NBAS: variants seen among roughly 807,000 people sequenced by gnomAD.
The protein encoded by NBAS is NAG/BC035112 fusion.
NBAS carries 219 observed loss-of-function variants against 302.5 expected under a neutral mutation model. The ratio of observed to expected loss-of-function variants is 0.72; its 90% CI spans 0.65 to 0.81. The LOEUF (loss-of-function observed/expected upper bound fraction) is 0.81. Among genes scored for constraint, NBAS ranks in the 30% least tolerant of loss-of-function variants. The probability of loss-of-function intolerance (pLI) is 0.00; values close to 1 mark genes in which losing one functional copy is unlikely to be tolerated. For synonymous variants in NBAS, 1,118 were observed against 1,021.6 expected, an observed-to-expected ratio of 1.09 and a Z score of -1.80; for missense variants, 2,932 against 2,841.6, an observed-to-expected ratio of 1.03 and a Z score of -0.72.
chr2:14,894,415 T>A, the NBAS span, among the ~76,000 whole-genome samples: 1 of 152,190 alleles, frequency 6.6e-6, no homozygotes, highest in Non-Finnish European at 1.5e-5. Context: ...TTATCTGATA[T>A]GTTTGACTGC....
chr2:15,331,252 T>G lies in NBAS; in HGVS notation c.4180-487A>C, dbSNP rs148982844. Among the ~76,000 whole-genome samples, 418 of 152,282 alleles carry G rather than the reference T, an allele frequency of 2.7e-3. 1 individual carries two copies. The highest frequency in any genetic ancestry group is 9.4e-3 in the African/African-American group (389 of 41,556). On this transcript the variant is annotated intron_variant, in intron 35 of 51. Transcript: ENST00000281513. ...AAGGCATGTTTCCCATCTAAACAAG[T>G]AGGTAATTAATAGTGTTTGATGGGT...
rs763758786 is a variant in NBAS at position 15,167,034 on chromosome 2, G to A, written c.*14C>T. The stretch of plus-strand genomic sequence containing the variant: ...GATGCTTTTTCTGCTAAGGAGCAGG[G>A]CCACAGGTGGCCCTCACACCCAGTG... On this transcript the variant is annotated 3_prime_UTR_variant, in exon 52 of 52. Coordinates refer to ENST00000281513, the MANE Select transcript of NBAS (RefSeq NM_015909.4). 6.5e-7 allele frequency: 1 copy of A among 1,529,090 alleles called. No homozygotes were observed. The highest frequency in any genetic ancestry group is 8.8e-7 in the Non-Finnish European group (1 of 1,137,794). 94.7% of individuals were successfully genotyped at this position (1,529,090 alleles called of 1,614,324 possible).
intron 51 of NBAS, among the ~76,000 whole-genome samples, chr2:15,176,458 G>GACAC (rs71400639): frequency 0.015 from 2,225 of 149,292 alleles, 52 homozygotes; most frequent in African/African-American, 0.05. Flanking sequence ...GTCACATGGA[G>GACAC]ACACACACAC....
chr2:15,154,817 G>A, the NBAS span, among the ~76,000 whole-genome samples: 1 of 152,156 alleles, frequency 6.6e-6, no homozygotes, highest in Non-Finnish European at 1.5e-5. Context: ...TGAGGCTATA[G>A]GTGAGTGTTC....
intron 21 of NBAS, among the ~76,000 whole-genome samples, chr2:15,460,038 C>A (rs540876701): frequency 2.0e-5 from 3 of 151,974 alleles, no homozygotes; most frequent in Admixed American, 6.6e-5. Context: ...TTACTCTATA[C>A]ATGTTGACCA....
At chr2:14,955,079 T>C in the NBAS span, among the ~76,000 whole-genome samples, 1 of 152,172 alleles carries the variant, frequency 6.6e-6, no homozygotes, top group East Asian at 1.9e-4. Flanking sequence ...ACTTCCTAGA[T>C]ACAATGGAAG....
At chr2:15,166,744 C>A (rs939854708), downstream of NBAS, among the ~76,000 whole-genome samples, 1 of 152,136 alleles carries the variant, frequency 6.6e-6, no homozygotes, top group Non-Finnish European at 1.5e-5. Flanking sequence ...CCAGCACATC[C>A]AACTTGCTGA....
chr2:15,443,119 C>A (rs901294969), intron 21 of NBAS, among the ~76,000 whole-genome samples: 2 of 152,072 alleles, frequency 1.3e-5, no homozygotes, highest in Non-Finnish European at 2.9e-5. Context: ...TTCCAATTAA[C>A]AGAAAAAGAG....
the NBAS span, among the ~76,000 whole-genome samples, chr2:15,084,404 CA>C: frequency 6.6e-6 from 1 of 152,116 alleles, no homozygotes; most frequent in African/African-American, 2.4e-5. Context: ...AATGTAAAAA[CA>C]AAAACAAAAC....
At chr2:15,087,790 CT>C in the NBAS span, among the ~76,000 whole-genome samples, 5 of 152,354 alleles carry the variant, frequency 3.3e-5, no homozygotes, top group East Asian at 9.6e-4. Context: ...ACATTTGTTC[CT>C]TTTAGCTTTT....
chr2:15,533,905 G>A (rs1295109630), intron 9 of NBAS, among the ~76,000 whole-genome samples: 1 of 152,096 alleles, frequency 6.6e-6, no homozygotes, highest in Non-Finnish European at 1.5e-5. Flanking sequence ...CTCAAGTTAT[G>A]TTTGTCTTAT....
intron 27 of NBAS, among the ~76,000 whole-genome samples, chr2:15,394,863 C>A (rs988007914): frequency 6.6e-6 from 1 of 152,054 alleles, no homozygotes; most frequent in African/African-American, 2.4e-5. Context: ...TAAGAATCTT[C>A]TTGAGATATC....
intron 28 of NBAS, among the ~76,000 whole-genome samples, chr2:15,386,812 T>C (rs1212116760): frequency 1.3e-5 from 2 of 152,180 alleles, no homozygotes; most frequent in Non-Finnish European, 2.9e-5. Context: ...TTTTCTTTTC[T>C]TTTTTTAAAT....
the NBAS span, among the ~76,000 whole-genome samples, chr2:15,043,185 AC>A: frequency 2.4e-4 from 36 of 152,144 alleles, no homozygotes; most frequent in Non-Finnish European, 3.4e-4. Flanking sequence ...AGTAGGAGTC[AC>A]TAGACTCATC....
intron 23 of NBAS, 84 bp from the exon 24 acceptor site, chr2:15,417,796 A>T: frequency 7.8e-7 from 1 of 1,287,624 alleles, no homozygotes; most frequent in Middle Eastern, 1.9e-4. Context: ...TACAGAATCT[A>T]ATTCTTATAA....
the NBAS span, among the ~76,000 whole-genome samples, chr2:14,877,325 C>G: frequency 6.6e-6 from 1 of 152,158 alleles, no homozygotes; most frequent in Admixed American, 6.5e-5. Context: ...ATTCCACCCC[C>G]CTTGATTCAG....
At chr2:15,396,261 T>A (rs1277589546) in intron 27 of NBAS, 152 bp downstream of exon 27, 5 of 597,830 alleles carry the variant, frequency 8.4e-6, no homozygotes, top group Non-Finnish European at 1.5e-5. Flanking sequence ...GGGTGCAGTG[T>A]ATTTGTTGTT....
the NBAS span, among the ~76,000 whole-genome samples, chr2:15,124,687 G>C: frequency 0.14 from 20,742 of 152,248 alleles, 2,680 homozygotes; most frequent in African/African-American, 0.33. Context: ...GGCTACTCCA[G>C]CTCCAGCTGC....
At chr2:14,820,269 T>C in the NBAS span, among the ~76,000 whole-genome samples, 1 of 152,186 alleles carries the variant, frequency 6.6e-6, no homozygotes. Flanking sequence ...ACGTAAGTGT[T>C]CATCAACAAA....
Sources: allele counts gnomAD v4.1 joint callset (sites outside exome capture counted in the v4.1 genomes callset), GRCh38; gene constraint gnomAD v4.1.1; transcripts MANE v1.5; gene names NCBI Gene and HGNC (gene_info 2026-07-23, HGNC 2026-07-21).